Variants in SMIM38 observed in about 807,000 individuals in gnomAD.
SMIM38 encodes small integral membrane protein 38.
At position 69,159,577 on chromosome 11, in the gene SMIM38, T is replaced by C. The variant is rs559246309; in HGVS notation, c.*1481T>C. ...TCCAGGGGGTGACGTGAAGATGACC[T>C]ATTGCAGAGGGTCCCTTCTCATTCA... On this transcript the variant is annotated 3_prime_UTR_variant, in exon 3 of 3. Transcript: ENST00000686237. 2.0e-5 allele frequency: 3 copies of C among 151,936 alleles called. No homozygotes were observed. In the South Asian group the frequency reaches 6.2e-4, roughly 32 times the overall value. 9.4% of individuals were successfully genotyped at this position (151,936 alleles called of 1,614,324 possible).
At position 69,162,144 on chromosome 11, in the gene SMIM38, A is replaced by G. The variant is rs1165820545; in HGVS notation, c.*4048A>G. On this transcript the variant is annotated 3_prime_UTR_variant, in exon 3 of 3. Coordinates refer to ENST00000686237, the MANE Select transcript of SMIM38 (RefSeq NM_001369201.2). The stretch of plus-strand genomic sequence containing the variant: ...GCTTGCAGTATTCAAGGCACCACAG[A>G]TACAATGTTGAATAAGGCAAAGCAC... 1 of 152,208 alleles carries G rather than the reference A, an allele frequency of 6.6e-6. No homozygotes were observed. The allele number at this position is 152,208 out of a possible 1,614,324, so 9.4% of individuals were successfully genotyped here.
At position 69,159,607 on chromosome 11, in the gene SMIM38, C is replaced by G. The variant is rs985763644; in HGVS notation, c.*1511C>G. 2.0e-5 allele frequency: 3 copies of G among 152,052 alleles called. No individual in the cohort carries two copies. The highest frequency in any genetic ancestry group is 7.2e-5 in the African/African-American group (3 of 41,384). The allele number at this position is 152,052 out of a possible 1,614,324, so 9.4% of individuals were successfully genotyped here. On this transcript the variant is annotated 3_prime_UTR_variant, in exon 3 of 3. Coordinates refer to ENST00000686237, the MANE Select transcript of SMIM38 (RefSeq NM_001369201.2). ...CAGAGGGTCCCTTCTCATTCACGCT[C>G]TGAAGTCTGCACAGGGGCAGGGGCT...
chr11:69,156,690 C>T (rs530342561), intron 1 of SMIM38, among the ~76,000 whole-genome samples: 5 of 152,348 alleles, frequency 3.3e-5, no homozygotes, highest in Non-Finnish European at 7.3e-5. Context: ...AAGGCATCCA[C>T]TGAGAGGCAG....
chr11:69,156,550 A>G (rs964201101), intron 1 of SMIM38, among the ~76,000 whole-genome samples: 5 of 151,614 alleles, frequency 3.3e-5, no homozygotes. Flanking sequence ...GGGTGTGCAC[A>G]CGTGTGAGTC....
Position 69,159,986 on chromosome 11 carries a change from CCT to C in SMIM38, c.*1892_*1893del, listed in dbSNP as rs1857036661. The C allele has an allele frequency of 6.6e-6, 1 of 152,140 alleles. No individual in the cohort carries two copies. The highest frequency in any genetic ancestry group is 6.5e-5 in the Admixed American group (1 of 15,280). The allele number at this position is 152,140 out of a possible 1,614,324, so 9.4% of individuals were successfully genotyped here. On this transcript the variant is annotated 3_prime_UTR_variant, in exon 3 of 3. Coordinates refer to ENST00000686237, the MANE Select transcript of SMIM38 (RefSeq NM_001369201.2). The stretch of plus-strand genomic sequence containing the variant: ...GGAAAGTTCGATGTCCTGGAAAACC[CCT>C]CAGTCCTGGGCAAACCAGGTCACGC...
chr11:69,161,543 C>T lies in SMIM38; in HGVS notation c.*3447C>T, dbSNP rs1394575567. The T allele has an allele frequency of 6.6e-6, 1 of 152,218 alleles. No individual in the cohort carries two copies. Among genetic ancestry groups the T allele is most frequent in the Non-Finnish European group, 1.5e-5 (1 of 68,046 alleles). 9.4% of individuals were successfully genotyped at this position (152,218 alleles called of 1,614,324 possible). A position where few individuals can be genotyped will look rare whatever the true frequency, so the allele number is the denominator to read the frequency against. ...AGAGGTTGGAGATTTCCATGGCTCCCCATGGCTCCTTGGGGCCTCCTAAGA... is the reference window on the plus strand; with the variant it reads ...AGAGGTTGGAGATTTCCATGGCTCCTCATGGCTCCTTGGGGCCTCCTAAGA... On this transcript the variant is annotated 3_prime_UTR_variant, in exon 3 of 3. Coordinates refer to ENST00000686237, the MANE Select transcript of SMIM38 (RefSeq NM_001369201.2).
rs779557829 is a variant in SMIM38, at chr11:69,158,028, C to T, written c.*26C>T. The T allele has an allele frequency of 4.8e-5, 19 of 398,820 alleles. No individual in the cohort carries two copies. The highest frequency in any genetic ancestry group is 2.5e-4 in the South Asian group (2 of 7,860). 24.7% of individuals were successfully genotyped at this position (398,820 alleles called of 1,614,324 possible). On this transcript the variant is annotated 3_prime_UTR_variant, in exon 2 of 3. Transcript: ENST00000686237. ...GCCTCTGCAGGCTGCGGCCTCCACG[C>T]GCCCTGTCCCGAGACTCAGCCGGCC...
rs1270056230 is a variant in SMIM38, at chr11:69,161,036, A to G, written c.*2940A>G. ...AGTTATCAGGGTCTCAGACCCTGAC[A>G]TATTTCTGCTCTGCTACCCTCAGCA... On this transcript the variant is annotated 3_prime_UTR_variant, in exon 3 of 3. Coordinates refer to ENST00000686237, the MANE Select transcript of SMIM38 (RefSeq NM_001369201.2). 1.3e-5 allele frequency: 2 copies of G among 152,242 alleles called. No individual in the cohort carries two copies. The highest frequency in any genetic ancestry group is 2.9e-5 in the Non-Finnish European group (2 of 68,046). The allele number at this position is 152,242 out of a possible 1,614,324, so 9.4% of individuals were successfully genotyped here.
At position 69,159,537 on chromosome 11, in the gene SMIM38, C is replaced by T. The variant is rs529080299; in HGVS notation, c.*1441C>T. 1.3e-5 allele frequency: 2 copies of T among 151,910 alleles called. No individual in the cohort carries two copies. Among genetic ancestry groups the T allele is most frequent in the East Asian group, 4.0e-4 (2 of 5,004 alleles). The allele number at this position is 151,910 out of a possible 1,614,324, so 9.4% of individuals were successfully genotyped here. A position where few individuals can be genotyped will look rare whatever the true frequency, so the allele number is the denominator to read the frequency against. On this transcript the variant is annotated 3_prime_UTR_variant, in exon 3 of 3. Coordinates refer to ENST00000686237, the MANE Select transcript of SMIM38 (RefSeq NM_001369201.2). ...CGAGACCATCTGGGGTGGGACCGAC[C>T]AAGAGTTTGAGGTGTCCAGGGGGTG...
Position 69,161,790 on chromosome 11 carries a change from T to A in SMIM38, c.*3694T>A, listed in dbSNP as rs897810186. The A allele has an allele frequency of 6.6e-6, 1 of 152,182 alleles. No individual in the cohort carries two copies. Among genetic ancestry groups the A allele is most frequent in the Non-Finnish European group, 1.5e-5 (1 of 68,030 alleles). 9.4% of individuals were successfully genotyped at this position (152,182 alleles called of 1,614,324 possible). On this transcript the variant is annotated 3_prime_UTR_variant, in exon 3 of 3. Transcript: ENST00000686237. ...AGGGCTGGAATGTCTTCCCCCCAAT[T>A]CATATGTTGAACCTTTAATGCCTAA...
chr11:69,157,925 ATCC>A lies in SMIM38; in HGVS notation c.81_83del (p.Ile27_Leu28delinsMet), dbSNP rs113033234. On this transcript the variant is annotated inframe_deletion, in exon 2 of 3. Transcript: ENST00000686237. ...GGTGGTGATCCTGCTAGCACGCCTC[ATCC>A]TGTGGTCCTGCCTCGGGACCTACAT... 5.0e-6 allele frequency: 2 copies of A among 399,152 alleles called. No homozygotes were observed. Among genetic ancestry groups the A allele is most frequent in the African/African-American group, 2.1e-5 (1 of 48,742 alleles). The allele number at this position is 399,152 out of a possible 1,614,324, so 24.7% of individuals were successfully genotyped here.
rs11228537 is a variant in SMIM38 at position 69,159,890 on chromosome 11, A to T, written c.*1794A>T. 9 of 152,214 alleles carry T rather than the reference A, an allele frequency of 5.9e-5. No individual in the cohort carries two copies. The highest frequency in any genetic ancestry group is 5.2e-4 in the Admixed American group (8 of 15,300). The allele number at this position is 152,214 out of a possible 1,614,324, so 9.4% of individuals were successfully genotyped here. A position where few individuals can be genotyped will look rare whatever the true frequency, so the allele number is the denominator to read the frequency against. On this transcript the variant is annotated 3_prime_UTR_variant, in exon 3 of 3. Coordinates refer to ENST00000686237, the MANE Select transcript of SMIM38 (RefSeq NM_001369201.2). ...AAGGAAGAAAAATCACATGGTTGTC[A>T]TGAGCATGTACCGACAGAGCTAGGA...
chr11:69,156,666 T>C (rs1465547102), intron 1 of SMIM38, among the ~76,000 whole-genome samples: 1 of 152,114 alleles, frequency 6.6e-6, no homozygotes, highest in Admixed American at 6.5e-5. Context: ...AGAAAAGATG[T>C]GGAGGCCTTT....
chr11:69,157,915 A>C lies in SMIM38; in HGVS notation c.69A>C (p.Leu23=). Residue 23 remains leucine, a synonymous_variant, in exon 2 of 3, where the codon CTA becomes CTC. Transcript: ENST00000686237. ...PLLALLVVIL[L]ARLILWSCLG... is the part of the protein sequence containing the mutation. ...TGGCCCTGCTGGTGGTGATCCTGCT[A>C]GCACGCCTCATCCTGTGGTCCTGCC... is the stretch of plus-strand genomic sequence containing the variant. 1 of 399,334 alleles carries C rather than the reference A, an allele frequency of 2.5e-6. No individual in the cohort carries two copies. Among genetic ancestry groups the C allele is most frequent in the Non-Finnish European group, 4.4e-6 (1 of 226,660 alleles). The allele number at this position is 399,334 out of a possible 1,614,324, so 24.7% of individuals were successfully genotyped here.
intron 1 of SMIM38, 91 bp downstream of exon 1, chr11:69,156,205 T>C (rs2134696617): frequency 6.6e-6 from 1 of 152,460 alleles, no homozygotes; most frequent in East Asian, 1.9e-4. Flanking sequence ...ACTCATTTTG[T>C]AGACTGGGAA....
Position 69,160,332 on chromosome 11 carries a change from G to T in SMIM38, c.*2236G>T, listed in dbSNP as rs1308486529. On this transcript the variant is annotated 3_prime_UTR_variant, in exon 3 of 3. Transcript: ENST00000686237. The stretch of plus-strand genomic sequence containing the variant: ...CTCCCGAGTAGCTGGGATTATAGGC[G>T]TGTGCCACCACGCCCTGCTGATTTT... 6.6e-6 allele frequency: 1 copy of T among 152,174 alleles called. No individual in the cohort carries two copies. Among genetic ancestry groups the T allele is most frequent in the Non-Finnish European group, 1.5e-5 (1 of 68,066 alleles). 9.4% of individuals were successfully genotyped at this position (152,174 alleles called of 1,614,324 possible). A position where few individuals can be genotyped will look rare whatever the true frequency, so the allele number is the denominator to read the frequency against.
Position 69,158,083 on chromosome 11 carries a change from A to G in SMIM38, c.*81A>G. 1 of 398,334 alleles carries G rather than the reference A, an allele frequency of 2.5e-6. No homozygotes were observed. Among genetic ancestry groups the G allele is most frequent in the South Asian group, 1.3e-4 (1 of 7,604 alleles). 24.7% of individuals were successfully genotyped at this position (398,334 alleles called of 1,614,324 possible). On this transcript the variant is annotated 3_prime_UTR_variant, in exon 2 of 3. Transcript: ENST00000686237. ...CAGTGGTGGTGGGAGGGAGGGGAGCAGGGCAGGCGCATGATCCCCATGTCC... is the reference window on the plus strand; with the variant it reads ...CAGTGGTGGTGGGAGGGAGGGGAGCGGGGCAGGCGCATGATCCCCATGTCC...
At position 69,158,014 on chromosome 11, in the gene SMIM38, C is replaced by CTGCG; in HGVS notation, c.*13_*16dup. The CTGCG allele has an allele frequency of 2.5e-6, 1 of 398,882 alleles. No individual in the cohort carries two copies. Among genetic ancestry groups the CTGCG allele is most frequent in the Non-Finnish European group, 4.4e-6 (1 of 226,280 alleles). 24.7% of individuals were successfully genotyped at this position (398,882 alleles called of 1,614,324 possible). ...CCAAGCAGGACTAAGCCTCTGCAGG[C>CTGCG]TGCGGCCTCCACGCGCCCTGTCCCG... On this transcript the variant is annotated 3_prime_UTR_variant, in exon 2 of 3. Coordinates refer to ENST00000686237, the MANE Select transcript of SMIM38 (RefSeq NM_001369201.2).
chr11:69,156,887 T>C (rs2134697410), intron 1 of SMIM38, among the ~76,000 whole-genome samples: 2 of 152,326 alleles, frequency 1.3e-5, no homozygotes, highest in East Asian at 1.9e-4. Context: ...CCAGGGTGAC[T>C]GTGAGGATGT....
Sources: gnomAD v4.1 joint callset for allele counts (sites outside exome capture counted in the v4.1 genomes callset) on GRCh38, gnomAD v4.1.1 for gene constraint, MANE v1.5 for transcripts, NCBI Gene and HGNC (gene_info 2026-07-23, HGNC 2026-07-21) for gene names.